The following PIAS2 variants were observed in gnomAD, a reference collection of about 807,000 sequenced individuals.
PIAS2 encodes the protein E3 SUMO-protein ligase PIAS2.
A neutral mutation model predicts 69.7 loss-of-function variants in PIAS2; 19 were observed. The observed-to-expected ratio is 0.27, with a 90% CI of 0.19 to 0.40. PIAS2 has a LOEUF of 0.40. Among genes scored for constraint, PIAS2 ranks in the 10% least tolerant of loss-of-function variants. The pLI, the probability that PIAS2 is intolerant of heterozygous loss-of-function variation, is 1.00. For synonymous variants in PIAS2, 261 were observed against 263.2 expected, an observed-to-expected ratio of 0.99 and a Z score of 0.08; for missense variants, 624 against 757.0, an observed-to-expected ratio of 0.82 and a Z score of 2.06.
rs186580327 is a variant in PIAS2 at position 46,815,871 on chromosome 18, C to T, written c.1649-522G>A. 3,567 of 985,536 alleles carry T rather than the reference C, an allele frequency of 3.6e-3. 6 individuals are homozygous for T. Among genetic ancestry groups the T allele is most frequent in the Non-Finnish European group, 4.1e-3 (3,419 of 830,062 alleles). The allele number at this position is 985,536 out of a possible 1,614,324, so 61.0% of individuals were successfully genotyped here. ...CAACGCTCTGCACAAAGCACACACT[C>T]GGGAATTGCTGCGCTAACAGGGTTA... On this transcript the variant is annotated intron_variant, in intron 12 of 13. Coordinates refer to ENST00000585916, the MANE Select transcript of PIAS2 (RefSeq NM_004671.5).
At chr18:46,881,746 CCTAA>C (rs1170100200) in intron 2 of PIAS2, among the ~76,000 whole-genome samples, 2 of 152,228 alleles carry the variant, frequency 1.3e-5, no homozygotes, top group Non-Finnish European at 2.9e-5. Context: ...ACATTACCTC[CCTAA>C]CTGTGTAACA....
chr18:46,849,328 C>G (rs2046621938), intron 5 of PIAS2, among the ~76,000 whole-genome samples: 1 of 152,126 alleles, frequency 6.6e-6, no homozygotes, highest in Non-Finnish European at 1.5e-5. Context: ...CTACCTGTAA[C>G]CATCAGCACC....
intron 2 of PIAS2, among the ~76,000 whole-genome samples, chr18:46,874,173 A>G (rs1013083968): frequency 3.9e-5 from 6 of 152,184 alleles, no homozygotes; most frequent in African/African-American, 1.4e-4. Context: ...AGCGAATCCT[A>G]AGAAAACCAC....
At chr18:46,844,621 A>G (rs1599649283) in intron 7 of PIAS2, 113 bp downstream of exon 7, 2 of 410,762 alleles carry the variant, frequency 4.9e-6, no homozygotes, top group Non-Finnish European at 8.5e-6. Context: ...TACACAAGCT[A>G]ACAAATATAT....
intron 5 of PIAS2, among the ~76,000 whole-genome samples, chr18:46,854,765 C>T (rs574460220): frequency 3.3e-5 from 5 of 152,236 alleles, no homozygotes; most frequent in African/African-American, 9.6e-5. Context: ...ATCATCAAGG[C>T]CCAAGCTGGG....
intron 2 of PIAS2, among the ~76,000 whole-genome samples, chr18:46,884,320 T>A (rs563543192): frequency 2.6e-5 from 4 of 152,082 alleles, no homozygotes; most frequent in African/African-American, 9.6e-5. Flanking sequence ...ATTTATTTTT[T>A]ATTTTTTTTT....
At chr18:46,898,481 T>C (rs2055251987) in intron 1 of PIAS2, among the ~76,000 whole-genome samples, 2 of 152,126 alleles carry the variant, frequency 1.3e-5, no homozygotes, top group African/African-American at 4.8e-5. Flanking sequence ...ATTTACTATT[T>C]ACAAATGACA....
At chr18:46,880,385 A>AC (rs1444854017) in intron 2 of PIAS2, among the ~76,000 whole-genome samples, 1 of 151,176 alleles carries the variant, frequency 6.6e-6, no homozygotes, top group African/African-American at 2.5e-5. Context: ...ACCCTGTCTC[A>AC]AAAAAAACAA....
Position 46,828,142 on chromosome 18 carries a change from G to GA in PIAS2, c.1337-13dup. On this transcript the variant is annotated splice_polypyrimidine_tract_variant and intron_variant, in intron 10 of 13. Coordinates refer to ENST00000585916, the MANE Select transcript of PIAS2 (RefSeq NM_004671.5). Reference sequence around the variant, plus strand: ...GAGGACGCTTGAACCTGCATGTAAAGAAACAAAAGGAAAAAAAAATTAAAG... The same window carrying GA: ...GAGGACGCTTGAACCTGCATGTAAAGAAAACAAAAGGAAAAAAAAATTAAAG... 1 of 1,571,810 alleles carries GA rather than the reference G, an allele frequency of 6.4e-7. No individual in the cohort carries two copies. Among genetic ancestry groups the GA allele is most frequent in the Non-Finnish European group, 8.6e-7 (1 of 1,162,518 alleles).
rs1341687554 is a variant in PIAS2 at position 46,805,785 on chromosome 18, AT to A, written c.*6647del. 6.6e-6 allele frequency: 1 copy of A among 152,228 alleles called. No individual in the cohort carries two copies. Among genetic ancestry groups the A allele is most frequent in the Non-Finnish European group, 1.5e-5 (1 of 68,042 alleles). The allele number at this position is 152,228 out of a possible 1,614,324, so 9.4% of individuals were successfully genotyped here. On this transcript the variant is annotated 3_prime_UTR_variant, in exon 14 of 14. Transcript: ENST00000585916. ...TGGAGATAAGTGAAGGCAAAAATGG[AT>A]GACAAGGGAGGTTTGTACTTTTATT...
intron 1 of PIAS2, among the ~76,000 whole-genome samples, chr18:46,898,688 A>C (rs1282944735): frequency 6.6e-6 from 1 of 152,168 alleles, no homozygotes; most frequent in Non-Finnish European, 1.5e-5. Flanking sequence ...ACATTAAAAA[A>C]CTATAGAATA....
rs1360013426 is a variant in PIAS2 at position 46,812,532 on chromosome 18, A to G, written c.1767T>C (p.His589=). ...ATGAACTAACATGAGTACTGCTTTC[A>G]TGGGAGCTGGTGGTGGTGACAGACG... ...SSTSVTTTSS[H]ESSTHVSSSS... Residue 589 remains histidine (H), a synonymous_variant, in exon 14 of 14, where the codon CAT becomes CAC. Coordinates refer to ENST00000585916, the MANE Select transcript of PIAS2 (RefSeq NM_004671.5). 6.2e-7 allele frequency: 1 copy of G among 1,613,206 alleles called. No homozygotes were observed. The highest frequency in any genetic ancestry group is 2.2e-5 in the East Asian group (1 of 44,864).
At chr18:46,823,897 G>A (rs1182749330) in intron 11 of PIAS2, among the ~76,000 whole-genome samples, 1 of 152,060 alleles carries the variant, frequency 6.6e-6, no homozygotes, top group African/African-American at 2.4e-5. Context: ...TAAAGCCTAT[G>A]CAAAAAATAG....
At chr18:46,820,906 C>A in intron 12 of PIAS2, 27 bp downstream of exon 12, 4 of 1,572,960 alleles carry the variant, frequency 2.5e-6, no homozygotes, top group Non-Finnish European at 3.4e-6. Flanking sequence ...CATTAAAAAA[C>A]AAAAGAAACA....
intron 8 of PIAS2, among the ~76,000 whole-genome samples, chr18:46,841,734 C>T (rs191113499): frequency 6.6e-6 from 1 of 152,266 alleles, no homozygotes; most frequent in East Asian, 1.9e-4. Context: ...CACGAATAGA[C>T]CTGTTGTCAC....
At position 46,854,428 on chromosome 18, in the gene PIAS2, C is replaced by A. The variant is rs556265526; in HGVS notation, c.726+917G>T. Among the ~76,000 whole-genome samples, 87 of 152,314 alleles carry A rather than the reference C, an allele frequency of 5.7e-4. No individual in the cohort carries two copies. The Middle Eastern group carries it at 0.01, about 18-fold the overall frequency. Reference sequence around the variant, plus strand: ...CTTAGTGATTCAGTTACAGTAAATACACCTCCAACTTTGTAGTGCTTGACA... The same window carrying A: ...CTTAGTGATTCAGTTACAGTAAATAAACCTCCAACTTTGTAGTGCTTGACA... On this transcript the variant is annotated intron_variant, in intron 5 of 13. Coordinates refer to ENST00000585916, the MANE Select transcript of PIAS2 (RefSeq NM_004671.5).
chr18:46,914,109 A>C (rs1026639515), intron 1 of PIAS2, among the ~76,000 whole-genome samples: 4 of 152,220 alleles, frequency 2.6e-5, no homozygotes, highest in Non-Finnish European at 1.5e-5. Context: ...GCTCCTAACA[A>C]CACAGATGCC....
intron 12 of PIAS2, 44 bp downstream of exon 12, chr18:46,820,889 A>T: frequency 6.4e-7 from 1 of 1,563,474 alleles, no homozygotes; most frequent in African/African-American, 1.4e-5. Flanking sequence ...TAAAAAAAAT[A>T]AACTTTCATT....
chr18:46,894,447 C>G (rs536787332), intron 1 of PIAS2, among the ~76,000 whole-genome samples: 1 of 152,120 alleles, frequency 6.6e-6, no homozygotes, highest in Non-Finnish European at 1.5e-5. Flanking sequence ...TATCTTTAGT[C>G]TAATTTTTTC....
Sources: allele counts gnomAD v4.1 joint callset (sites outside exome capture counted in the v4.1 genomes callset), GRCh38; gene constraint gnomAD v4.1.1; transcripts MANE v1.5; gene names NCBI Gene and HGNC (gene_info 2026-07-23, HGNC 2026-07-21).